KLHL32: variants seen among roughly 807,000 people sequenced by gnomAD.
KLHL32 encodes the protein kelch like family member 32.
In KLHL32, 35 loss-of-function variants were observed where a neutral mutation model predicts 64.8. The ratio of observed to expected loss-of-function variants is 0.54; its 90% CI spans 0.41 to 0.72. The LOEUF (loss-of-function observed/expected upper bound fraction) is 0.72. KLHL32 is among the 30% of genes least tolerant of loss of function. KLHL32 has a pLI of 0.00. For missense variants in KLHL32, 589 were observed against 768.5 expected (o/e 0.77, Z 2.76); for synonymous variants, 259 against 281.0 (o/e 0.92, Z 0.78).
At chr6:97,138,358 G>T (rs1476141917) in intron 10 of KLHL32, among the ~76,000 whole-genome samples, 1 of 152,080 alleles carries the variant, frequency 6.6e-6, no homozygotes, top group East Asian at 1.9e-4. Context: ...GCACAACATG[G>T]CGAGAGCCCA....
chr6:96,937,560 G>A (rs1770765045), intron 1 of KLHL32, among the ~76,000 whole-genome samples: 1 of 152,120 alleles, frequency 6.6e-6, no homozygotes, highest in Admixed American at 6.5e-5. Flanking sequence ...GTCCCCCTCA[G>A]GGAGATGAGC....
the KLHL32 span, among the ~76,000 whole-genome samples, chr6:96,902,034 A>G: frequency 9.2e-5 from 14 of 152,324 alleles, no homozygotes; most frequent in East Asian, 5.8e-4. Context: ...TAGTGCTGCA[A>G]TGAACATACA....
At chr6:97,070,416 A>G (rs111944999) in intron 5 of KLHL32, among the ~76,000 whole-genome samples, 5 of 152,192 alleles carry the variant, frequency 3.3e-5, no homozygotes, top group Non-Finnish European at 5.9e-5. Flanking sequence ...TTTGAAATGC[A>G]TCATAAGATC....
At chr6:96,911,353 A>G in the KLHL32 span, among the ~76,000 whole-genome samples, 8 of 152,206 alleles carry the variant, frequency 5.3e-5, no homozygotes, top group East Asian at 1.5e-3. Flanking sequence ...GACCCATTCT[A>G]CTTCCTGAGG....
At chr6:96,921,713 C>A (rs961744167), upstream of KLHL32, among the ~76,000 whole-genome samples, 2 of 152,174 alleles carry the variant, frequency 1.3e-5, no homozygotes, top group Non-Finnish European at 2.9e-5. Flanking sequence ...TATGACATAG[C>A]TCTCTTTCAT....
rs60451608 is a variant in KLHL32 at position 97,108,568 on chromosome 6, T to G, written c.628-5215T>G. Among the ~76,000 whole-genome samples, 1,393 of 152,348 alleles carry G rather than the reference T, an allele frequency of 9.1e-3. 21 individuals carry two copies. Among genetic ancestry groups the G allele is most frequent in the African/African-American group, 0.032 (1,339 of 41,574 alleles). On this transcript the variant is annotated intron_variant, in intron 6 of 10. Coordinates refer to ENST00000369261, the MANE Select transcript of KLHL32 (RefSeq NM_052904.4). ...GTGATTTTGAAGTGGCCCATTGTTTTGAATTTTCTTTGCCATTTTTTAATT... is the reference window on the plus strand; with the variant it reads ...GTGATTTTGAAGTGGCCCATTGTTTGGAATTTTCTTTGCCATTTTTTAATT...
chr6:97,019,628 C>T (rs1257126304), intron 3 of KLHL32, among the ~76,000 whole-genome samples: 1 of 152,156 alleles, frequency 6.6e-6, no homozygotes, highest in African/African-American at 2.4e-5. Context: ...AAAGAGGGAT[C>T]TGAGTGGCAC....
intron 1 of KLHL32, among the ~76,000 whole-genome samples, chr6:96,955,531 C>T (rs1773151720): frequency 6.6e-6 from 1 of 152,090 alleles, no homozygotes. Context: ...TTAATGTTTC[C>T]TTAAATCAGG....
the KLHL32 span, among the ~76,000 whole-genome samples, chr6:96,907,820 C>A: frequency 6.6e-6 from 1 of 152,232 alleles, no homozygotes; most frequent in East Asian, 1.9e-4. Flanking sequence ...CCCATCCCTG[C>A]TCCTTTGCCA....
At chr6:97,135,123 C>A (rs930397007) in intron 10 of KLHL32, among the ~76,000 whole-genome samples, 1 of 151,760 alleles carries the variant, frequency 6.6e-6, no homozygotes, top group Non-Finnish European at 1.5e-5. Context: ...TAAGTTTCAC[C>A]TCTGAGATTG....
intron 6 of KLHL32, among the ~76,000 whole-genome samples, chr6:97,087,725 A>G (rs1340270674): frequency 1.3e-5 from 2 of 152,186 alleles, no homozygotes; most frequent in Non-Finnish European, 2.9e-5. Context: ...CTCTTCTACT[A>G]TGTACTGATA....
At chr6:97,086,431 C>T (rs1309084166) in intron 6 of KLHL32, among the ~76,000 whole-genome samples, 1 of 152,160 alleles carries the variant, frequency 6.6e-6, no homozygotes, top group Non-Finnish European at 1.5e-5. Context: ...TAAAGAGCTG[C>T]AGCGTCCTGA....
intron 1 of KLHL32, among the ~76,000 whole-genome samples, chr6:96,935,035 G>C (rs1770413074): frequency 6.6e-6 from 1 of 152,202 alleles, no homozygotes; most frequent in African/African-American, 2.4e-5. Flanking sequence ...CCAGTATACA[G>C]ATAAGAAGAA....
intron 1 of KLHL32, among the ~76,000 whole-genome samples, chr6:96,939,825 C>T (rs57351346): frequency 0.02 from 2,992 of 152,028 alleles, 105 homozygotes; most frequent in African/African-American, 0.069. Flanking sequence ...GATCTGATTA[C>T]AGGGGAACAG....
Position 97,136,411 on chromosome 6 carries a change from G to C in KLHL32, c.1702-2710G>C, listed in dbSNP as rs78962110. ...GGACAACCCAAACAAGAGAAAAGCA[G>C]AGATACTCTTAGGTTGAGATTTGGA... On this transcript the variant is annotated intron_variant, in intron 10 of 10. Coordinates refer to ENST00000369261, the MANE Select transcript of KLHL32 (RefSeq NM_052904.4). 9.8e-3 allele frequency among the ~76,000 whole-genome samples: 1,494 copies of C among 152,294 alleles called. 23 individuals are homozygous for C. The highest frequency in any genetic ancestry group is 0.034 in the African/African-American group (1,396 of 41,566).
intron 3 of KLHL32, among the ~76,000 whole-genome samples, chr6:96,985,659 C>G (rs189375104): frequency 6.6e-6 from 1 of 152,164 alleles, no homozygotes; most frequent in Non-Finnish European, 1.5e-5. Context: ...TCCAGTTGAT[C>G]GAATCAGCTA....
intron 7 of KLHL32, among the ~76,000 whole-genome samples, chr6:97,117,757 GTA>G (rs1797951763): frequency 6.6e-6 from 1 of 152,142 alleles, no homozygotes; most frequent in Admixed American, 6.5e-5. Flanking sequence ...CTGTTGGAAG[GTA>G]TAGTTTGTGA....
intron 5 of KLHL32, among the ~76,000 whole-genome samples, chr6:97,077,877 A>G (rs1351556426): frequency 2.0e-5 from 3 of 152,360 alleles, no homozygotes; most frequent in Non-Finnish European, 4.4e-5. Context: ...TACAAAAAGC[A>G]TACGATGCGA....
chr6:97,042,469 C>T (rs560184418), intron 4 of KLHL32, among the ~76,000 whole-genome samples: 15 of 152,166 alleles, frequency 9.9e-5, no homozygotes, highest in African/African-American at 3.6e-4. Flanking sequence ...GCTCATTTTT[C>T]TACTGAATTT....
Sources: allele counts gnomAD v4.1 joint callset (sites outside exome capture counted in the v4.1 genomes callset), GRCh38; gene constraint gnomAD v4.1.1; transcripts MANE v1.5; gene names NCBI Gene and HGNC (gene_info 2026-07-23, HGNC 2026-07-21).